The following PUS7 variants were observed in gnomAD, a reference collection of about 807,000 sequenced individuals.
The protein encoded by PUS7 is pseudouridylate synthase 7 homolog.
A neutral mutation model predicts 79.8 loss-of-function variants in PUS7; 48 were observed. The ratio of observed to expected loss-of-function variants is 0.60; its 90% CI spans 0.48 to 0.76. PUS7 has a LOEUF of 0.76. Ranked by LOEUF, PUS7 falls within the 30% of genes least tolerant of loss-of-function variation. The pLI is 0.00. For missense variants in PUS7, 729 were observed against 797.6 expected, an observed-to-expected ratio of 0.91 and a Z score of 1.04; for synonymous variants, 286 against 272.2, an observed-to-expected ratio of 1.05 and a Z score of -0.50.
At chr7:105,462,462 G>T in intron 14 of PUS7, 159 bp downstream of exon 14, 2 of 767,564 alleles carry the variant, frequency 2.6e-6, no homozygotes, top group Non-Finnish European at 2.0e-6. Context: ...CAAAAGGTAA[G>T]TAAAAATATG....
At chr7:105,521,566 G>T (rs1262640116) in intron 1 of PUS7, among the ~76,000 whole-genome samples, 1 of 152,222 alleles carries the variant, frequency 6.6e-6, no homozygotes, top group Non-Finnish European at 1.5e-5. Context: ...CCCAGTGAGC[G>T]GCGACGCAGG....
At chr7:105,515,846 G>A (rs1484151329) in intron 1 of PUS7, among the ~76,000 whole-genome samples, 1 of 142,466 alleles carries the variant, frequency 7.0e-6, no homozygotes, top group Non-Finnish European at 1.5e-5. Context: ...GTCTCACTCT[G>A]TTGCCCAGGC....
At chr7:105,515,792 T>TTATTTATTTATTTA (rs2133290563) in intron 1 of PUS7, among the ~76,000 whole-genome samples, 1 of 5,220 alleles carries the variant, frequency 1.9e-4, no homozygotes, top group African/African-American at 2.8e-3. Flanking sequence ...TTTATTTTAT[T>TTATTTATTTATTTA]TTATTTATTT....
intron 13 of PUS7, among the ~76,000 whole-genome samples, chr7:105,463,342 C>T (rs1038276230): frequency 1.3e-5 from 2 of 152,152 alleles, no homozygotes; most frequent in African/African-American, 2.4e-5. Context: ...CTTCTGTTGA[C>T]GCTTTGGAAC....
In PUS7 at chr7:105,506,146, A is replaced by AT. The variant is rs11421080; in HGVS notation, c.483+42dup. The stretch of plus-strand genomic sequence containing the variant: ...TATTTCTAAATCTCTAGGAAATGCT[A>AT]TTTTTATACAGAAGGTGACATTTGC... On this transcript the variant is annotated intron_variant, in intron 3 of 15. Coordinates refer to ENST00000469408, the MANE Select transcript of PUS7 (RefSeq NM_019042.5). The AT allele has an allele frequency of 0.88, 1,379,328 of 1,566,758 alleles. 608,673 individuals carry two copies. Among genetic ancestry groups the AT allele is most frequent in the African/African-American group, 0.96 (70,349 of 73,274 alleles).
At position 105,490,376 on chromosome 7, in the gene PUS7, C is replaced by T. The variant is rs114188915; in HGVS notation, c.920+1164G>A. Among the ~76,000 whole-genome samples, 646 of 152,272 alleles carry T rather than the reference C, an allele frequency of 4.2e-3. 3 individuals are homozygous for T. Among genetic ancestry groups the T allele is most frequent in the African/African-American group, 0.015 (613 of 41,558 alleles). On this transcript the variant is annotated intron_variant, in intron 7 of 15. Transcript: ENST00000469408. ...TGCCTCTGGAGGTATACTAATAAGACAGCCTAAATGTGTCTGACACAGTAC... is the reference window on the plus strand; with the variant it reads ...TGCCTCTGGAGGTATACTAATAAGATAGCCTAAATGTGTCTGACACAGTAC...
chr7:105,519,671 C>T (rs893290069), intron 1 of PUS7, among the ~76,000 whole-genome samples: 3 of 152,176 alleles, frequency 2.0e-5, no homozygotes, highest in African/African-American at 7.2e-5. Flanking sequence ...AGGGTAATAC[C>T]ATTTCCTGTC....
intron 9 of PUS7, among the ~76,000 whole-genome samples, chr7:105,475,338 A>G (rs1161696955): frequency 6.6e-6 from 1 of 152,070 alleles, no homozygotes; most frequent in Non-Finnish European, 1.5e-5. Context: ...GGCGCGCGCC[A>G]CCACGCCTGG....
intron 12 of PUS7, among the ~76,000 whole-genome samples, chr7:105,467,822 A>C (rs1000904355): frequency 1.3e-5 from 2 of 151,870 alleles, no homozygotes; most frequent in Admixed American, 1.3e-4. Flanking sequence ...CGAGGTGGGG[A>C]GTTCGAGATC....
At chr7:105,493,314 G>A (rs1449930891) in intron 6 of PUS7, among the ~76,000 whole-genome samples, 3 of 152,196 alleles carry the variant, frequency 2.0e-5, no homozygotes, top group African/African-American at 7.2e-5. Flanking sequence ...CGTTCCATAT[G>A]AGAAGGAAAA....
intron 1 of PUS7, among the ~76,000 whole-genome samples, chr7:105,515,975 A>G (rs1342907214): frequency 3.3e-5 from 5 of 151,642 alleles, no homozygotes; most frequent in South Asian, 2.1e-4. Flanking sequence ...AAGCCCAGCT[A>G]ATTTTTTGTA....
In PUS7 at chr7:105,472,117, G is replaced by A; in HGVS notation, c.1237+15C>T. 6.4e-7 allele frequency: 1 copy of A among 1,564,348 alleles called. No individual in the cohort carries two copies. Among genetic ancestry groups the A allele is most frequent in the Non-Finnish European group, 8.8e-7 (1 of 1,141,362 alleles). ...TACATTCTATTTATTTTCTTAACAT[G>A]AATTTTATTCTCACCTCCAGAGCGG... is the stretch of plus-strand genomic sequence containing the variant. On this transcript the variant is annotated intron_variant, in intron 10 of 15. Coordinates refer to ENST00000469408, the MANE Select transcript of PUS7 (RefSeq NM_019042.5).
chr7:105,473,113 G>A (rs1195161559), intron 9 of PUS7, among the ~76,000 whole-genome samples: 1 of 151,944 alleles, frequency 6.6e-6, no homozygotes, highest in Non-Finnish European at 1.5e-5. Flanking sequence ...GTGAAAACTT[G>A]TTTGAAACTT....
chr7:105,488,931 G>A (rs13232793), intron 7 of PUS7, among the ~76,000 whole-genome samples: 2 of 152,074 alleles, frequency 1.3e-5, no homozygotes, highest in Admixed American at 6.5e-5. Flanking sequence ...GGTGGATCAC[G>A]AGGTCAGGAG....
chr7:105,469,149 C>A (rs1823776200), intron 11 of PUS7, among the ~76,000 whole-genome samples: 1 of 152,144 alleles, frequency 6.6e-6, no homozygotes, highest in African/African-American at 2.4e-5. Context: ...AAGCAATCCA[C>A]CAGCCTCAGC....
At chr7:105,469,920 TTG>T (rs1468431992) in intron 11 of PUS7, among the ~76,000 whole-genome samples, 1 of 152,206 alleles carries the variant, frequency 6.6e-6, no homozygotes, top group Admixed American at 6.5e-5. Flanking sequence ...GTTTACAAAT[TTG>T]TGTGGGGCCA....
At chr7:105,494,190 A>G (rs1824908250) in intron 6 of PUS7, among the ~76,000 whole-genome samples, 1 of 152,188 alleles carries the variant, frequency 6.6e-6, no homozygotes. Flanking sequence ...AGGCTTTCAA[A>G]AGAGAAAGTT....
intron 8 of PUS7, 83 bp from the exon 9 acceptor site, chr7:105,481,260 C>T (rs1351404839): frequency 1.6e-6 from 2 of 1,265,512 alleles, no homozygotes; most frequent in Non-Finnish European, 2.1e-6. Flanking sequence ...TACGGCCTGG[C>T]TTCCAAGTCT....
chr7:105,520,677 G>A (rs1826074412), intron 1 of PUS7, among the ~76,000 whole-genome samples: 1 of 152,096 alleles, frequency 6.6e-6, no homozygotes, highest in Non-Finnish European at 1.5e-5. Context: ...AGCCAAGATC[G>A]TGCCATTGCA....
Sources: gnomAD v4.1 joint callset for allele counts (sites outside exome capture counted in the v4.1 genomes callset) on GRCh38, gnomAD v4.1.1 for gene constraint, MANE v1.5 for transcripts, NCBI Gene and HGNC (gene_info 2026-07-23, HGNC 2026-07-21) for gene names.